Variants in CNNM2 observed in about 807,000 individuals in gnomAD.
CNNM2 encodes metal transporter CNNM2.
A neutral mutation model predicts 66.9 loss-of-function variants in CNNM2; 12 were observed. The ratio of observed to expected loss-of-function variants is 0.18; its 90% confidence interval spans 0.11 to 0.29. The LOEUF is 0.29. CNNM2 is among the 10% of genes least tolerant of loss of function. CNNM2 has a pLI of 1.00. For missense variants in CNNM2, 705 were observed against 1,167.7 expected (o/e 0.60, Z 5.77); for synonymous variants, 557 against 501.8 (o/e 1.11, Z -1.47).
intron 1 of CNNM2, among the ~76,000 whole-genome samples, chr10:102,964,201 A>C (rs1159825138): frequency 6.6e-6 from 1 of 152,178 alleles, no homozygotes; most frequent in Non-Finnish European, 1.5e-5. Flanking sequence ...TTACTTGTAG[A>C]AATAGTTAAT....
intron 1 of CNNM2, among the ~76,000 whole-genome samples, chr10:102,926,394 G>A (rs1476482670): frequency 6.6e-6 from 1 of 152,116 alleles, no homozygotes; most frequent in African/African-American, 2.4e-5. Context: ...GGTTTTTATG[G>A]GGATTACACA....
chr10:102,992,950 T>G (rs1464381021), intron 1 of CNNM2, among the ~76,000 whole-genome samples: 2 of 152,206 alleles, frequency 1.3e-5, no homozygotes, highest in Non-Finnish European at 2.9e-5. Flanking sequence ...GCCTTACTAA[T>G]GTGTAGGTCA....
chr10:102,997,169 G>A (rs2064019303), intron 1 of CNNM2, among the ~76,000 whole-genome samples: 1 of 152,198 alleles, frequency 6.6e-6, no homozygotes, highest in Admixed American at 6.5e-5. Flanking sequence ...GTTGGGATGA[G>A]AATGGAATTC....
At position 103,077,182 on chromosome 10, in the gene CNNM2, C is replaced by T. The variant is rs1564873791; in HGVS notation, c.*2C>T. The T allele has an allele frequency of 1.2e-6, 2 of 1,611,602 alleles. No individual in the cohort carries two copies. Among genetic ancestry groups the T allele is most frequent in the East Asian group, 2.2e-5 (1 of 44,884 alleles). On this transcript the variant is annotated 3_prime_UTR_variant, in exon 8 of 8. Transcript: ENST00000369878. ...CTGCACAACGAAGGCGCCATCTAGG[C>T]CGCGCTGGCTGCACCCGCCCAGGCC...
intron 1 of CNNM2, 82 bp downstream of exon 1, chr10:102,920,183 A>C: frequency 6.2e-7 from 1 of 1,611,744 alleles, no homozygotes; most frequent in African/African-American, 1.3e-5. Context: ...CCCTCAGACC[A>C]ACCCCCCAAG....
Position 103,056,824 on chromosome 10 carries a change from T to A in CNNM2, c.1933T>A (p.Ser645Thr). ...EVEAFSPSQM[S>T]EKILLRLLKH... ...AGAAGCATTTAGCCCATCCCAGATG[T>A]CAGAGAAGATCCTTCTAAGGCTGCT... Residue 645 changes from serine (S) to threonine (T), a missense_variant, in exon 4 of 8, where the codon TCA becomes ACA. Ser to Thr is a moderately conservative substitution (Grantham distance 58). Transcript: ENST00000369878. 1.9e-6 allele frequency: 3 copies of A among 1,613,990 alleles called. No individual in the cohort carries two copies. Among genetic ancestry groups the A allele is most frequent in the South Asian group, 1.1e-5 (1 of 91,072 alleles).
At chr10:103,044,575 A>C (rs1388542127) in intron 1 of CNNM2, among the ~76,000 whole-genome samples, 1 of 151,684 alleles carries the variant, frequency 6.6e-6, no homozygotes, top group Admixed American at 6.6e-5. Flanking sequence ...AGTTGTTTAC[A>C]TTTTCTTTTT....
intron 7 of CNNM2, 42 bp from the exon 8 acceptor site, chr10:103,076,929 G>A: frequency 6.4e-7 from 1 of 1,560,200 alleles, no homozygotes; most frequent in Non-Finnish European, 8.8e-7. Context: ...CTAAAAATAA[G>A]CATTATCTTG....
At chr10:103,070,129 G>C (rs190376660) in intron 5 of CNNM2, among the ~76,000 whole-genome samples, 47 of 152,288 alleles carry the variant, frequency 3.1e-4, no homozygotes, top group African/African-American at 9.1e-4. Flanking sequence ...ACTGTCAACT[G>C]CTGACCAACA....
intron 1 of CNNM2, among the ~76,000 whole-genome samples, chr10:102,934,434 C>T (rs528554374): frequency 6.6e-6 from 1 of 151,944 alleles, no homozygotes; most frequent in South Asian, 2.1e-4. Context: ...GCGCCTGCCA[C>T]CACACCTGGC....
intron 1 of CNNM2, among the ~76,000 whole-genome samples, chr10:103,032,922 A>G (rs2064857043): frequency 6.6e-6 from 1 of 151,794 alleles, no homozygotes; most frequent in Admixed American, 6.6e-5. Flanking sequence ...GTTTGAGACC[A>G]GCCTGGGCAA....
chr10:103,066,737 G>A (rs1489544650), intron 4 of CNNM2, among the ~76,000 whole-genome samples: 1 of 152,180 alleles, frequency 6.6e-6, no homozygotes, highest in Non-Finnish European at 1.5e-5. Context: ...TTTTCCTCAT[G>A]CTGAGCTCTT....
intron 6 of CNNM2, among the ~76,000 whole-genome samples, chr10:103,074,285 TCAAAA>T (rs940565214): frequency 9.9e-5 from 15 of 151,922 alleles, no homozygotes; most frequent in Admixed American, 2.6e-4. Flanking sequence ...GGAGACTGTC[TCAAAA>T]CAAAACAAAA....
chr10:102,931,797 G>A (rs1846074030), intron 1 of CNNM2, among the ~76,000 whole-genome samples: 2 of 148,508 alleles, frequency 1.3e-5, no homozygotes, highest in Non-Finnish European at 3.0e-5. Context: ...CATGAATAAT[G>A]TATGAAGGTT....
At chr10:103,024,154 C>G (rs1171821855) in intron 1 of CNNM2, among the ~76,000 whole-genome samples, 1 of 151,952 alleles carries the variant, frequency 6.6e-6, no homozygotes, top group Admixed American at 6.6e-5. Flanking sequence ...TGATATTATG[C>G]TTTTTTTGGT....
At chr10:103,032,182 A>T (rs2134303024) in intron 1 of CNNM2, among the ~76,000 whole-genome samples, 2 of 152,140 alleles carry the variant, frequency 1.3e-5, no homozygotes, top group Middle Eastern at 6.8e-3. Context: ...GGGTACGGTG[A>T]CTCATGCCTG....
At chr10:103,008,791 A>AC (rs1258830541) in intron 1 of CNNM2, among the ~76,000 whole-genome samples, 1 of 151,520 alleles carries the variant, frequency 6.6e-6, no homozygotes, top group African/African-American at 2.4e-5. Flanking sequence ...AAAAAAAAAA[A>AC]AAAAAAACCC....
chr10:102,919,921 A>T lies in CNNM2; in HGVS notation c.1441A>T (p.Ile481Phe). Residue 481 changes from isoleucine to phenylalanine, a missense_variant, in exon 1 of 8, where the codon ATT (isoleucine) becomes TTT (phenylalanine). Physicochemically the swap from Ile to Phe is conservative, Grantham distance 21. Coordinates refer to ENST00000369878, the MANE Select transcript of CNNM2 (RefSeq NM_017649.5). ...SEIMESGYTRIPVFEGERSNI... is the reference protein window; with the variant it reads ...SEIMESGYTRFPVFEGERSNI... ...GATCATGGAGAGCGGCTACACCCGC[A>T]TTCCAGTGTTTGAAGGGGAGCGCTC... The T allele has an allele frequency of 6.2e-7, 1 of 1,614,234 alleles. No homozygotes were observed.
chr10:103,001,055 T>C (rs1354800795), intron 1 of CNNM2, among the ~76,000 whole-genome samples: 1 of 152,170 alleles, frequency 6.6e-6, no homozygotes, highest in African/African-American at 2.4e-5. Flanking sequence ...ACCTTGAAGA[T>C]AGTATACTAA....
Sources: allele counts gnomAD v4.1 joint callset (sites outside exome capture counted in the v4.1 genomes callset), GRCh38; gene constraint gnomAD v4.1.1; transcripts MANE v1.5; gene names NCBI Gene and HGNC (gene_info 2026-07-23, HGNC 2026-07-21).